The following MGRN1 variants were observed in gnomAD, a reference collection of about 807,000 sequenced individuals.
The protein encoded by MGRN1 is E3 ubiquitin-protein ligase MGRN1.
A neutral mutation model predicts 69.2 loss-of-function variants in MGRN1; 29 were observed. The observed-to-expected ratio is 0.42, with a 90% CI of 0.31 to 0.57. MGRN1 has a LOEUF of 0.57. Ranked by LOEUF, MGRN1 falls within the 20% of genes least tolerant of loss-of-function variation. The pLI, the probability that MGRN1 is intolerant of heterozygous loss-of-function variation, is 0.15. For synonymous variants in MGRN1, 470 were observed against 344.2 expected (o/e 1.37, Z -4.04); for missense variants, 998 against 796.2 (o/e 1.25, Z -3.05).
chr16:4,635,900 G>A (rs1898264142), intron 1 of MGRN1, among the ~76,000 whole-genome samples: 1 of 149,450 alleles, frequency 6.7e-6, no homozygotes, highest in East Asian at 2.0e-4. Context: ...GCCTGCCTCA[G>A]CCTCCAGAAG....
At chr16:4,663,367 T>TG (rs1316156008) in intron 5 of MGRN1, among the ~76,000 whole-genome samples, 2 of 116,400 alleles carry the variant, frequency 1.7e-5, no homozygotes, top group Non-Finnish European at 4.1e-5. Flanking sequence ...CTGGCCTTGT[T>TG]TTTTTTTTTT....
intron 8 of MGRN1, among the ~76,000 whole-genome samples, chr16:4,669,436 A>AAAAAAAAAAAAAC (rs2078890865): frequency 6.6e-6 from 1 of 150,962 alleles, no homozygotes; most frequent in African/African-American, 2.4e-5. Context: ...TGTGTCAAAA[A>AAAAAAAAAAAAAC]AAAAAAAAAA....
intron 16 of MGRN1, chr16:4,687,081 G>T (rs1388898708): frequency 2.0e-6 from 2 of 985,382 alleles, no homozygotes; most frequent in East Asian, 1.1e-4. Context: ...CTGGCACACA[G>T]TCCCTCGTGG....
intron 1 of MGRN1, among the ~76,000 whole-genome samples, chr16:4,641,964 T>C (rs1002127739): frequency 1.3e-5 from 2 of 151,942 alleles, no homozygotes; most frequent in Non-Finnish European, 2.9e-5. Flanking sequence ...CTGGATTCTC[T>C]GTGAGGTGTT....
intron 1 of MGRN1, among the ~76,000 whole-genome samples, chr16:4,646,902 C>A (rs567282724): frequency 1.9e-4 from 29 of 152,256 alleles, no homozygotes; most frequent in Admixed American, 1.9e-3. Flanking sequence ...CATGGAGTGC[C>A]CAGTGCCTCG....
intron 4 of MGRN1, among the ~76,000 whole-genome samples, chr16:4,656,500 G>A (rs1479576590): frequency 6.6e-6 from 1 of 152,240 alleles, no homozygotes; most frequent in East Asian, 1.9e-4. Context: ...TCTCTGCTGG[G>A]GCGGACAGCA....
chr16:4,652,094 C>T lies in MGRN1; in HGVS notation c.296+43C>T, dbSNP rs200502804. 4.7e-4 allele frequency: 748 copies of T among 1,584,832 alleles called. 2 individuals are homozygous for T. Among genetic ancestry groups the T allele is most frequent in the East Asian group, 1.1e-3 (48 of 44,358 alleles). The stretch of plus-strand genomic sequence containing the variant: ...CTGGGGACCCTGTGGCTCTGTGGGG[C>T]GCAGCCTGTGGTGGAGGTTCTGGCT... On this transcript the variant is annotated intron_variant, in intron 3 of 16. Transcript: ENST00000262370.
chr16:4,663,276 C>T (rs923752867), intron 5 of MGRN1, among the ~76,000 whole-genome samples: 2 of 150,616 alleles, frequency 1.3e-5, no homozygotes, highest in African/African-American at 2.4e-5. Flanking sequence ...ATTGGCCAGG[C>T]TGGTCTCAAA....
chr16:4,642,600 A>G (rs935724311), intron 1 of MGRN1, among the ~76,000 whole-genome samples: 1 of 152,048 alleles, frequency 6.6e-6, no homozygotes, highest in Non-Finnish European at 1.5e-5. Context: ...CTGGGATTAC[A>G]GGCGTGAGCC....
At chr16:4,662,851 G>A (rs1054394933) in intron 5 of MGRN1, among the ~76,000 whole-genome samples, 5 of 152,108 alleles carry the variant, frequency 3.3e-5, no homozygotes, top group Non-Finnish European at 7.4e-5. Context: ...GCTTGGCTGC[G>A]GGCTCAGGGT....
In MGRN1 at chr16:4,689,212, G is replaced by A. The variant is rs1004560055; in HGVS notation, c.*304G>A. On this transcript the variant is annotated 3_prime_UTR_variant, in exon 17 of 17. Transcript: ENST00000262370. ...CGGCTGGGGCTGGGGCTGCCCACGT[G>A]TGGCCTCCGCTGGCTCTGCCTGCTC... 3.0e-6 allele frequency: 1 copy of A among 333,418 alleles called. No individual in the cohort carries two copies. Among genetic ancestry groups the A allele is most frequent in the South Asian group, 8.8e-5 (1 of 11,356 alleles). 20.7% of individuals were successfully genotyped at this position (333,418 alleles called of 1,614,324 possible). A position where few individuals can be genotyped will look rare whatever the true frequency, so the allele number is the denominator to read the frequency against.
Position 4,657,420 on chromosome 16 carries a change from G to A in MGRN1, c.561+57G>A, listed in dbSNP as rs554468687. 3.1e-5 allele frequency: 48 copies of A among 1,535,184 alleles called. No individual in the cohort carries two copies. The South Asian group carries it at 4.6e-4, about 15-fold the overall frequency. On this transcript the variant is annotated intron_variant, in intron 5 of 16. Transcript: ENST00000262370. ...GCTCCTCCTGAATTCTCTCCCCTTG[G>A]GGGTGGGGCCAGCACAGTGGGGTCT...
intron 16 of MGRN1, among the ~76,000 whole-genome samples, chr16:4,685,590 G>A (rs528860685): frequency 6.6e-6 from 1 of 152,262 alleles, no homozygotes; most frequent in African/African-American, 2.4e-5. Flanking sequence ...CACGGCCTCA[G>A]TTCTGAGCCA....
At chr16:4,652,634 T>C in intron 3 of MGRN1, 44 bp from the exon 4 acceptor site, 1 of 1,572,212 alleles carries the variant, frequency 6.4e-7, no homozygotes, top group Non-Finnish European at 8.7e-7. Context: ...CCTCCGCAGA[T>C]GGGGCCGCTG....
intron 15 of MGRN1, among the ~76,000 whole-genome samples, chr16:4,683,556 CA>C (rs60937592): frequency 0.53 from 75,494 of 142,984 alleles, 19,359 homozygotes; most frequent in East Asian, 0.66. Flanking sequence ...TTTCTATGAC[CA>C]AAAAAAAAAA....
In MGRN1 at chr16:4,686,287, T is replaced by C. The variant is rs919820914; in HGVS notation, c.1618+2355T>C. The stretch of plus-strand genomic sequence containing the variant: ...TGGGGCCCGACTCCTGCTCTGTTGG[T>C]ATAGACGAGTAAGCCGGTACGTGAC... On this transcript the variant is annotated intron_variant, in intron 16 of 16. Coordinates refer to ENST00000262370, the MANE Select transcript of MGRN1 (RefSeq NM_015246.4). 3 of 1,544,844 alleles carry C rather than the reference T, an allele frequency of 1.9e-6. No homozygotes were observed. In the African/African-American group the frequency reaches 4.1e-5, roughly 21 times the overall value.
In MGRN1 at chr16:4,690,240, C is replaced by T. The variant is rs971756903; in HGVS notation, c.*1332C>T. ...GTTTGTTTGTTTTTTTAAAGGTAAA[C>T]CTCCTGGGCCGCAGATGGCAAAGGG... is the stretch of plus-strand genomic sequence containing the variant. On this transcript the variant is annotated 3_prime_UTR_variant, in exon 17 of 17. Coordinates refer to ENST00000262370, the MANE Select transcript of MGRN1 (RefSeq NM_015246.4). 4.6e-5 allele frequency: 7 copies of T among 152,232 alleles called. No homozygotes were observed. Among genetic ancestry groups the T allele is most frequent in the African/African-American group, 1.7e-4 (7 of 41,414 alleles). 9.4% of individuals were successfully genotyped at this position (152,232 alleles called of 1,614,324 possible). A position where few individuals can be genotyped will look rare whatever the true frequency, so the allele number is the denominator to read the frequency against.
intron 16 of MGRN1, chr16:4,688,034 T>A: frequency 1.0e-6 from 1 of 985,476 alleles, no homozygotes; most frequent in Non-Finnish European, 1.2e-6. Flanking sequence ...GCAGGTGTGA[T>A]CTAGAACAGG....
chr16:4,661,181 G>C (rs1442509223), intron 5 of MGRN1, among the ~76,000 whole-genome samples: 1 of 149,630 alleles, frequency 6.7e-6, no homozygotes, highest in African/African-American at 2.5e-5. Context: ...GTTTCTCTAT[G>C]TTGCGTAGGC....
Sources: gnomAD v4.1 joint callset for allele counts (sites outside exome capture counted in the v4.1 genomes callset) on GRCh38, gnomAD v4.1.1 for gene constraint, MANE v1.5 for transcripts, NCBI Gene and HGNC (gene_info 2026-07-23, HGNC 2026-07-21) for gene names.